Variants in OR10A3 observed in about 807,000 individuals in gnomAD.
The protein encoded by OR10A3 is olfactory receptor family 10 subfamily A member 3, also known as olfactory receptor 10A3.
A neutral mutation model predicts 1.5 loss-of-function variants in OR10A3; 1 was observed. The observed-to-expected ratio is 0.66, with a 90% confidence interval of 0.23 to 3.11. The LOEUF is 3.11. Ranked by LOEUF, OR10A3 falls within the 30% of genes most tolerant of loss-of-function variation. OR10A3 has a pLI of 0.21. For synonymous variants in OR10A3, 145 were observed against 143.7 expected (o/e 1.01, Z -0.06); for missense variants, 398 against 369.7 (o/e 1.08, Z -0.63).
In OR10A3 at chr11:7,938,606, C is replaced by T. The variant is rs761079606; in HGVS notation, c.915G>A (p.Trp305Ter). Reference protein sequence around the residue: ...SEMKRTLIKLWRRKVILHTF With the variant: ...SEMKRTLIKL The stretch of plus-strand genomic sequence containing the variant: ...ATGTGTGTAAAATCACTTTTCTTCG[C>T]CATAGTTTTATCAAAGTCCTCTTCA... The change falls in exon 2 of 2, where the codon TGG (tryptophan) becomes TGA (stop). Residue 305 changes from tryptophan (W) to a stop codon, truncating the protein, a stop_gained. Transcript: ENST00000642047. LOFTEE classifies it high-confidence loss of function. 6.2e-7 allele frequency: 1 copy of T among 1,612,738 alleles called. No homozygotes were observed. Among genetic ancestry groups the T allele is most frequent in the Admixed American group, 1.7e-5 (1 of 59,784 alleles).
rs1941377037 is a variant in OR10A3, at chr11:7,937,831, G to C, written c.*745C>G. On this transcript the variant is annotated 3_prime_UTR_variant, in exon 2 of 2. Transcript: ENST00000642047. ...GTTACCAAAGCACAGTGAGCCTTCAGGCCAGTCTGAAGAACTATAATCATT... is the reference window on the plus strand; with the variant it reads ...GTTACCAAAGCACAGTGAGCCTTCACGCCAGTCTGAAGAACTATAATCATT... The C allele has an allele frequency of 6.6e-6, 1 of 152,170 alleles. No homozygotes were observed. The highest frequency in any genetic ancestry group is 1.5e-5 in the Non-Finnish European group (1 of 68,034). The allele number at this position is 152,170 out of a possible 1,614,324, so 9.4% of individuals were successfully genotyped here.
At position 7,938,357 on chromosome 11, in the gene OR10A3, T is replaced by G; in HGVS notation, c.*219A>C. On this transcript the variant is annotated 3_prime_UTR_variant, in exon 2 of 2. Coordinates refer to ENST00000642047, the MANE Select transcript of OR10A3 (RefSeq NM_001003745.2). The stretch of plus-strand genomic sequence containing the variant: ...CCAGTAGCTACTTGGATGTTCATAA[T>G]AGAGAAATGGATGAATAAACTGTTG... 1 of 461,102 alleles carries G rather than the reference T, an allele frequency of 2.2e-6. No homozygotes were observed. Among genetic ancestry groups the G allele is most frequent in the African/African-American group, 2.0e-5 (1 of 49,054 alleles). 28.6% of individuals were successfully genotyped at this position (461,102 alleles called of 1,614,324 possible).
In OR10A3 at chr11:7,939,108, CT is replaced by C. The variant is rs777210725; in HGVS notation, c.412del (p.Arg138GlufsTer5). 6.8e-6 allele frequency: 11 copies of C among 1,614,080 alleles called. No individual in the cohort carries two copies. Among genetic ancestry groups the C allele is most frequent in the African/African-American group, 4.0e-5 (3 of 75,040 alleles). ...HPLNYPVIMNRGVFMKLVIFS... is the reference protein window; with the variant it reads ...HPLNYPVIMNXGVFMKLVIFS... Reference sequence around the variant, plus strand: ...TATTACTAATTTCATAAAAACCCCTCTGTTCATAATCACTGGGTAGTTCAGA... The same window carrying C: ...TATTACTAATTTCATAAAAACCCCTCGTTCATAATCACTGGGTAGTTCAGA... On this transcript the variant is annotated frameshift_variant, in exon 2 of 2. Coordinates refer to ENST00000642047, the MANE Select transcript of OR10A3 (RefSeq NM_001003745.2). LOFTEE classifies it high-confidence loss of function.
In OR10A3 at chr11:7,938,530, A is replaced by G. The variant is rs1006736410; in HGVS notation, c.*46T>C. The G allele has an allele frequency of 1.4e-6, 2 of 1,381,772 alleles. No individual in the cohort carries two copies. Among genetic ancestry groups the G allele is most frequent in the Middle Eastern group, 1.8e-4 (1 of 5,434 alleles). 85.6% of individuals were successfully genotyped at this position (1,381,772 alleles called of 1,614,324 possible). ...TTCACCCTTTATTAAATTTAAATAG[A>G]GTTCACTCAGGCAGTGGCCAAATCT... On this transcript the variant is annotated 3_prime_UTR_variant, in exon 2 of 2. Coordinates refer to ENST00000642047, the MANE Select transcript of OR10A3 (RefSeq NM_001003745.2).
Position 7,938,866 on chromosome 11 carries a change from T to C in OR10A3, c.655A>G (p.Ile219Val), listed in dbSNP as rs1362436562. The change falls in exon 2 of 2, where the codon ATT becomes GTT. Residue 219 changes from isoleucine to valine, a missense_variant. Coordinates refer to ENST00000642047, the MANE Select transcript of OR10A3 (RefSeq NM_001003745.2). ...TTCAGGATGGCAAACAGAACTCGAA[T>C]GTAAGACAAGAGGATCAACAAGAAA... ...VPFLLILLSY[I>V]RVLFAILKMP... 12 of 1,614,192 alleles carry C rather than the reference T, an allele frequency of 7.4e-6. No homozygotes were observed. Among genetic ancestry groups the C allele is most frequent in the African/African-American group, 1.3e-5 (1 of 75,046 alleles).
rs1157258244 is a variant in OR10A3 at position 7,938,589 on chromosome 11, A to G, written c.932T>C (p.Leu311Ser). 4 of 1,610,670 alleles carry G rather than the reference A, an allele frequency of 2.5e-6. No homozygotes were observed. The highest frequency in any genetic ancestry group is 2.5e-6 in the Non-Finnish European group (3 of 1,178,326). Residue 311 changes from leucine to serine, a missense_variant, in exon 2 of 2, where the codon TTA becomes TCA. Transcript: ENST00000642047. ...LIKLWRRKVI[L>S]HTF ...TTCTCAACACAATCAGAATGTGTGT[A>G]AAATCACTTTTCTTCGCCATAGTTT... is the stretch of plus-strand genomic sequence containing the variant.
chr11:7,938,916 C>A lies in OR10A3; in HGVS notation c.605G>T (p.Gly202Val), dbSNP rs746634882. The A allele has an allele frequency of 6.2e-7, 1 of 1,614,092 alleles. No individual in the cohort carries two copies. Among genetic ancestry groups the A allele is most frequent in the Non-Finnish European group, 8.5e-7 (1 of 1,179,994 alleles). Residue 202 changes from glycine (G) to valine (V), a missense_variant, in exon 2 of 2, where the codon GGC (glycine) becomes GTC (valine). Transcript: ENST00000642047. The stretch of plus-strand genomic sequence containing the variant: ...AGGAACCATAACAATCAAAATGGTG[C>A]CTGTGAAGGCATAGATTTCAAATAA... Reference protein sequence around the residue: ...TFLFEIYAFTGTILIVMVPFL... With the variant: ...TFLFEIYAFTVTILIVMVPFL...
In OR10A3 at chr11:7,938,333, C is replaced by A; in HGVS notation, c.*243G>T. ...AAAAAAAAAAAAAATGACAGTAATCCAGTAGCTACTTGGATGTTCATAATA... is the reference window on the plus strand; with the variant it reads ...AAAAAAAAAAAAAATGACAGTAATCAAGTAGCTACTTGGATGTTCATAATA... On this transcript the variant is annotated 3_prime_UTR_variant, in exon 2 of 2. Transcript: ENST00000642047. 2.6e-6 allele frequency: 1 copy of A among 386,148 alleles called. No individual in the cohort carries two copies. Among genetic ancestry groups the A allele is most frequent in the East Asian group, 4.3e-5 (1 of 23,064 alleles). 23.9% of individuals were successfully genotyped at this position (386,148 alleles called of 1,614,324 possible).
At position 7,939,287 on chromosome 11, in the gene OR10A3, C is replaced by T. The variant is rs755726817; in HGVS notation, c.234G>A (p.Thr78=). ...TAGAGAGCACCACCAGCATTTCAGGCGTAATGACTGCACTGAAACTCACCT... is the reference window on the plus strand; with the variant it reads ...TAGAGAGCACCACCAGCATTTCAGGTGTAATGACTGCACTGAAACTCACCT... ...VVEVSFSAVI[T]PEMLVVLSTE... is the part of the protein sequence containing the mutation. Residue 78 remains threonine (T), a synonymous_variant, in exon 2 of 2, where the codon ACG becomes ACA. Coordinates refer to ENST00000642047, the MANE Select transcript of OR10A3 (RefSeq NM_001003745.2). 24 of 1,613,938 alleles carry T rather than the reference C, an allele frequency of 1.5e-5. No individual in the cohort carries two copies. The highest frequency in any genetic ancestry group is 1.2e-4 in the Admixed American group (7 of 59,984).
In OR10A3 at chr11:7,938,575, A is replaced by G. The variant is rs540564202; in HGVS notation, c.*1T>C. The G allele has an allele frequency of 6.9e-6, 11 of 1,602,082 alleles. No individual in the cohort carries two copies. The African/African-American group carries it at 8.0e-5, about 12-fold the overall frequency. ...AAATCTTACTCAGCTTCTCAACACA[A>G]TCAGAATGTGTGTAAAATCACTTTT... On this transcript the variant is annotated 3_prime_UTR_variant, in exon 2 of 2. Transcript: ENST00000642047.
At position 7,939,201 on chromosome 11, in the gene OR10A3, A is replaced by C. The variant is rs772037149; in HGVS notation, c.320T>G (p.Phe107Cys). 3.1e-6 allele frequency: 5 copies of C among 1,614,108 alleles called. No individual in the cohort carries two copies. The East Asian group carries it at 1.1e-4, about 36-fold the overall frequency. ...CFAQMYFILL[F>C]GGTECFLLGA... The stretch of plus-strand genomic sequence containing the variant: ...CAGGAGAAAACATTCAGTCCCACCA[A>C]AAAGAAGGATGAAATACATCTGTGC... The change falls in exon 2 of 2, where the codon TTT becomes TGT. Residue 107 changes from phenylalanine to cysteine, a missense_variant. Coordinates refer to ENST00000642047, the MANE Select transcript of OR10A3 (RefSeq NM_001003745.2).
Position 7,939,416 on chromosome 11 carries a change from A to G in OR10A3, c.105T>C (p.Tyr35=). The G allele has an allele frequency of 3.7e-6, 6 of 1,613,960 alleles. No individual in the cohort carries two copies. The South Asian group carries it at 6.6e-5, about 18-fold the overall frequency. ...VQLFGVFLVI[Y]VVTLMGNAII... is the part of the protein sequence containing the mutation. ...TGGCATTTCCCATCAGGGTCACCAC[A>G]TAAATAACTAGGAAAACCCCAAAGA... Residue 35 remains tyrosine (Y), a synonymous_variant, in exon 2 of 2, where the codon TAT becomes TAC. Coordinates refer to ENST00000642047, the MANE Select transcript of OR10A3 (RefSeq NM_001003745.2).
intron 1 of OR10A3, among the ~76,000 whole-genome samples, chr11:7,940,938 C>G (rs1316277562): frequency 6.6e-6 from 1 of 152,050 alleles, no homozygotes. Flanking sequence ...ACACAGCAAG[C>G]TGAAGACATC....
chr11:7,938,782 A>G lies in OR10A3; in HGVS notation c.739T>C (p.Ser247Pro). ...GCTGTGCCATAGAACAGGGTCACAG[A>G]TGTGAGGTGAGAGGCACAGGTGGAA... is the stretch of plus-strand genomic sequence containing the variant. ...AFSTCASHLTSVTLFYGTANM... is the reference protein window; with the variant it reads ...AFSTCASHLTPVTLFYGTANM... Residue 247 changes from serine (S) to proline (P), a missense_variant, in exon 2 of 2, where the codon TCT (serine) becomes CCT (proline). Coordinates refer to ENST00000642047, the MANE Select transcript of OR10A3 (RefSeq NM_001003745.2). 1 of 1,614,212 alleles carries G rather than the reference A, an allele frequency of 6.2e-7. No homozygotes were observed. Among genetic ancestry groups the G allele is most frequent in the South Asian group, 1.1e-5 (1 of 91,090 alleles).
chr11:7,937,384 T>A lies in OR10A3; in HGVS notation c.*1192A>T, dbSNP rs999806742. The A allele has an allele frequency of 1.3e-5, 2 of 152,192 alleles. No individual in the cohort carries two copies. The highest frequency in any genetic ancestry group is 2.9e-5 in the Non-Finnish European group (2 of 68,028). The allele number at this position is 152,192 out of a possible 1,614,324, so 9.4% of individuals were successfully genotyped here. A position where few individuals can be genotyped will look rare whatever the true frequency, so the allele number is the denominator to read the frequency against. ...TAGGTGACCGGATATCTTGTAGCTA[T>A]CTATTTAGGAACAAAAGGAAAGGCA... On this transcript the variant is annotated 3_prime_UTR_variant, in exon 2 of 2. Coordinates refer to ENST00000642047, the MANE Select transcript of OR10A3 (RefSeq NM_001003745.2).
At position 7,938,738 on chromosome 11, in the gene OR10A3, T is replaced by C; in HGVS notation, c.783A>G (p.Gln261=). ...TTTCGGGTGAGTAGCCAGATTTGGG[T>C]TGTAAATAAGTCATATTGGCTGTGC... ...FYGTANMTYL[Q]PKSGYSPETK... Residue 261 remains glutamine (Q), a synonymous_variant, in exon 2 of 2, where the codon CAA becomes CAG. Transcript: ENST00000642047. 1 of 1,614,092 alleles carries C rather than the reference T, an allele frequency of 6.2e-7. No individual in the cohort carries two copies. Among genetic ancestry groups the C allele is most frequent in the South Asian group, 1.1e-5 (1 of 91,080 alleles).
rs144884963 is a variant in OR10A3 at position 7,938,751 on chromosome 11, A to T, written c.770T>A (p.Met257Lys). Residue 257 changes from methionine to lysine, a missense_variant, in exon 2 of 2, where the codon ATG becomes AAG. Met to Lys is a moderately conservative substitution (Grantham distance 95). Transcript: ENST00000642047. ...GCCAGATTTGGGTTGTAAATAAGTCATATTGGCTGTGCCATAGAACAGGGT... is the reference window on the plus strand; with the variant it reads ...GCCAGATTTGGGTTGTAAATAAGTCTTATTGGCTGTGCCATAGAACAGGGT... ...SVTLFYGTAN[M>K]TYLQPKSGYS... 1,546 of 1,614,200 alleles carry T rather than the reference A, an allele frequency of 9.6e-4. 4 individuals are homozygous for T. The highest frequency in any genetic ancestry group is 2.2e-3 in the South Asian group (204 of 91,090).
chr11:7,939,157 G>A lies in OR10A3; in HGVS notation c.364C>T (p.Arg122Ter), dbSNP rs377493120. ...CFLLGAMAYD[R>*]FAAICHPLNY... is the part of the protein sequence containing the mutation. ...AGAGGATGGCAAATTGCAGCAAATC[G>A]GTCATAAGCCATCGCTCCCAGGAGA... The change falls in exon 2 of 2, where the codon CGA becomes TGA. Residue 122 changes from arginine (R) to a stop codon, truncating the protein, a stop_gained. Coordinates refer to ENST00000642047, the MANE Select transcript of OR10A3 (RefSeq NM_001003745.2). LOFTEE classifies it high-confidence loss of function. 1.1e-4 allele frequency: 182 copies of A among 1,613,970 alleles called. No individual in the cohort carries two copies. Among genetic ancestry groups the A allele is most frequent in the Non-Finnish European group, 1.4e-4 (168 of 1,180,008 alleles).
rs748269179 is a variant in OR10A3, at chr11:7,939,400, C to G, written c.121G>C (p.Gly41Arg). 10 of 1,613,996 alleles carry G rather than the reference C, an allele frequency of 6.2e-6. No homozygotes were observed. The highest frequency in any genetic ancestry group is 8.5e-6 in the Non-Finnish European group (10 of 1,180,012). The change falls in exon 2 of 2, where the codon GGA becomes CGA. Residue 41 changes from glycine (G) to arginine (R), a missense_variant. By Grantham distance (125) the Gly-to-Arg change is moderately radical. Transcript: ENST00000642047. ...FLVIYVVTLMGNAIITVIISL... is the reference protein window; with the variant it reads ...FLVIYVVTLMRNAIITVIISL... ...ATGATGACTGTAATGATGGCATTTC[C>G]CATCAGGGTCACCACATAAATAACT...
Sources: gnomAD v4.1 joint callset for allele counts (sites outside exome capture counted in the v4.1 genomes callset) on GRCh38, gnomAD v4.1.1 for gene constraint, MANE v1.5 for transcripts, NCBI Gene and HGNC (gene_info 2026-07-23, HGNC 2026-07-21) for gene names.